ARHGAP10: variants seen among roughly 807,000 people sequenced by gnomAD.
ARHGAP10 encodes Rho GTPase activating protein 10, also known as rho GTPase-activating protein 10.
Under a neutral mutation model 108.6 loss-of-function variants are expected in ARHGAP10, and 87 were observed. The ratio of observed to expected loss-of-function variants is 0.80; its 90% confidence interval spans 0.67 to 0.96. The LOEUF (loss-of-function observed/expected upper bound fraction) is 0.96, where lower values mean the gene tolerates loss of function less well. ARHGAP10 is among the 40% of genes least tolerant of loss of function. ARHGAP10 has a pLI of 0.00. For synonymous variants in ARHGAP10, 347 were observed against 341.1 expected, an observed-to-expected ratio of 1.02 and a Z score of -0.19; for missense variants, 939 against 954.5, an observed-to-expected ratio of 0.98 and a Z score of 0.21.
At position 147,936,482 on chromosome 4, in the gene ARHGAP10, C is replaced by T. The variant is rs111491837; in HGVS notation, c.1229-3343C>T. Among the ~76,000 whole-genome samples, 1,034 of 151,824 alleles carry T rather than the reference C, an allele frequency of 6.8e-3. 10 individuals carry two copies. Among genetic ancestry groups the T allele is most frequent in the African/African-American group, 0.024 (979 of 41,424 alleles). On this transcript the variant is annotated intron_variant, in intron 13 of 22. Coordinates refer to ENST00000336498, the MANE Select transcript of ARHGAP10 (RefSeq NM_024605.4). ...TAGCTGGGACTACAGGCGCCCGCCA[C>T]CGTGCCCGGCTAATTTTTTTGTATT...
In ARHGAP10 at chr4:147,909,742, G is replaced by A; in HGVS notation, c.1127G>A (p.Ser376Asn). The A allele has an allele frequency of 6.2e-7, 1 of 1,611,864 alleles. No homozygotes were observed. The highest frequency in any genetic ancestry group is 8.5e-7 in the Non-Finnish European group (1 of 1,178,182). ...ATTCTCTTTTATTAGCTGTCCCATA[G>A]TTTTAATACAGCCATCATCCCAAGA... ...ALGGKEALSH[S>N]FNTAIIPRPE... is the part of the protein sequence containing the mutation. Residue 376 changes from serine to asparagine, a missense_variant, in exon 12 of 23, where the codon AGT becomes AAT. Ser to Asn is a conservative substitution (Grantham distance 46). Coordinates refer to ENST00000336498, the MANE Select transcript of ARHGAP10 (RefSeq NM_024605.4).
chr4:147,807,340 A>G (rs951969112), intron 1 of ARHGAP10, among the ~76,000 whole-genome samples: 2 of 152,222 alleles, frequency 1.3e-5, no homozygotes, highest in South Asian at 2.1e-4. Context: ...AAGAAAAAAT[A>G]TAGGTGATTG....
chr4:147,787,582 G>A (rs1730936553), intron 1 of ARHGAP10, among the ~76,000 whole-genome samples: 1 of 152,176 alleles, frequency 6.6e-6, no homozygotes, highest in Non-Finnish European at 1.5e-5. Flanking sequence ...GCAGCAGTTT[G>A]TTGAGTCAGA....
intron 16 of ARHGAP10, among the ~76,000 whole-genome samples, chr4:147,958,424 A>G (rs1048664079): frequency 6.6e-6 from 1 of 152,254 alleles, no homozygotes; most frequent in African/African-American, 2.4e-5. Context: ...GATTACCACA[A>G]AGGTCTTTGG....
chr4:148,028,080 G>C (rs902030888), intron 19 of ARHGAP10, among the ~76,000 whole-genome samples: 1 of 152,112 alleles, frequency 6.6e-6, no homozygotes, highest in Non-Finnish European at 1.5e-5. Flanking sequence ...AAGAAACAAC[G>C]TGGCAGTAAG....
chr4:147,999,881 C>G (rs1740626875), intron 18 of ARHGAP10, among the ~76,000 whole-genome samples: 1 of 150,896 alleles, frequency 6.6e-6, no homozygotes, highest in African/African-American at 2.4e-5. Context: ...TTCCTTACTA[C>G]AAGAATCAGA....
chr4:147,926,612 T>G (rs1331650829), intron 13 of ARHGAP10, among the ~76,000 whole-genome samples: 1 of 152,144 alleles, frequency 6.6e-6, no homozygotes, highest in Non-Finnish European at 1.5e-5. Flanking sequence ...CAGGAATTAT[T>G]TTTAAAGAGG....
intron 18 of ARHGAP10, among the ~76,000 whole-genome samples, chr4:148,018,166 G>A (rs908720677): frequency 6.6e-6 from 1 of 152,122 alleles, no homozygotes; most frequent in Non-Finnish European, 1.5e-5. Flanking sequence ...TTTTCACCCT[G>A]TGGGGAAAAA....
At chr4:147,838,118 G>A (rs150794603) in intron 3 of ARHGAP10, among the ~76,000 whole-genome samples, 2,255 of 152,092 alleles carry the variant, frequency 0.015, 22 homozygotes, top group South Asian at 0.034. Context: ...CCAGCTCTTG[G>A]CACCTTTGAG....
At chr4:147,944,745 T>G (rs1404351887) in intron 14 of ARHGAP10, among the ~76,000 whole-genome samples, 1 of 152,072 alleles carries the variant, frequency 6.6e-6, no homozygotes, top group African/African-American at 2.4e-5. Context: ...GAGGGAGAAA[T>G]AGTCTTTTCC....
chr4:147,918,279 G>A (rs1220650259), intron 13 of ARHGAP10, among the ~76,000 whole-genome samples: 3 of 151,736 alleles, frequency 2.0e-5, no homozygotes, highest in East Asian at 1.9e-4. Flanking sequence ...GGGACTACAG[G>A]TGCCCGCCAC....
intron 18 of ARHGAP10, among the ~76,000 whole-genome samples, chr4:148,003,841 T>A (rs906652461): frequency 7.9e-5 from 9 of 114,326 alleles, no homozygotes; most frequent in Non-Finnish European, 5.0e-5. Flanking sequence ...TACAGCACAC[T>A]GATAGGTCTT....
intron 1 of ARHGAP10, among the ~76,000 whole-genome samples, chr4:147,773,898 CAAGTG>C (rs923648143): frequency 6.6e-6 from 1 of 152,144 alleles, no homozygotes; most frequent in Non-Finnish European, 1.5e-5. Flanking sequence ...GATTTGTTGT[CAAGTG>C]AAGCTTGAGA....
At chr4:147,946,528 A>G (rs1359527994) in intron 14 of ARHGAP10, 89 bp from the exon 15 acceptor site, 2 of 1,073,078 alleles carry the variant, frequency 1.9e-6, no homozygotes, top group African/African-American at 3.2e-5. Context: ...TGGTTTGCCC[A>G]TTTAAAAATG....
intron 22 of ARHGAP10, among the ~76,000 whole-genome samples, chr4:148,069,251 G>C (rs1459767269): frequency 6.6e-6 from 1 of 152,136 alleles, no homozygotes; most frequent in Non-Finnish European, 1.5e-5. Context: ...CCTTGCTGTT[G>C]GTCTCCAGAC....
At position 148,072,121 on chromosome 4, in the gene ARHGAP10, G is replaced by A; in HGVS notation, c.*40G>A. 1 of 1,568,474 alleles carries A rather than the reference G, an allele frequency of 6.4e-7. No homozygotes were observed. Among genetic ancestry groups the A allele is most frequent in the Non-Finnish European group, 8.7e-7 (1 of 1,149,106 alleles). On this transcript the variant is annotated 3_prime_UTR_variant, in exon 23 of 23. Transcript: ENST00000336498. ...GCCCCTGCTGACCCTGGCACCCAGGGACCTGCCTGGGGGCAGAGAGCTGTC... is the reference window on the plus strand; with the variant it reads ...GCCCCTGCTGACCCTGGCACCCAGGAACCTGCCTGGGGGCAGAGAGCTGTC...
At chr4:147,803,482 G>A (rs1731661105) in intron 1 of ARHGAP10, among the ~76,000 whole-genome samples, 1 of 152,098 alleles carries the variant, frequency 6.6e-6, no homozygotes, top group Non-Finnish European at 1.5e-5. Flanking sequence ...TTGTTATTTT[G>A]AAATATTTTT....
At chr4:147,742,476 CTTTTTTTTT>C (rs11420720) in intron 1 of ARHGAP10, among the ~76,000 whole-genome samples, 3 of 86,494 alleles carry the variant, frequency 3.5e-5, no homozygotes, top group Admixed American at 1.9e-4. Context: ...TCTGTGAACA[CTTTTTTTTT>C]TTTTTTTTTT....
At position 147,961,045 on chromosome 4, in the gene ARHGAP10, A is replaced by G. The variant is rs150779794; in HGVS notation, c.1451-3979A>G. Among the ~76,000 whole-genome samples the G allele has an allele frequency of 9.9e-5, 15 of 152,212 alleles. No individual in the cohort carries two copies. The East Asian group carries it at 2.9e-3, about 29-fold the overall frequency. ...TGTCTTTTAATGAGCATTTATGTGCATTTTTCCTGGTTATATACCTACGAG... is the reference window on the plus strand; with the variant it reads ...TGTCTTTTAATGAGCATTTATGTGCGTTTTTCCTGGTTATATACCTACGAG... On this transcript the variant is annotated intron_variant, in intron 16 of 22. Coordinates refer to ENST00000336498, the MANE Select transcript of ARHGAP10 (RefSeq NM_024605.4).
Sources: allele counts gnomAD v4.1 joint callset (sites outside exome capture counted in the v4.1 genomes callset), GRCh38; gene constraint gnomAD v4.1.1; transcripts MANE v1.5; gene names NCBI Gene and HGNC (gene_info 2026-07-23, HGNC 2026-07-21).